Variants in CRPPA observed in about 807,000 individuals in gnomAD.
CRPPA encodes the protein D-ribitol-5-phosphate cytidylyltransferase.
A neutral mutation model predicts 52.0 loss-of-function variants in CRPPA; 43 were observed. The observed-to-expected ratio is 0.83, with a 90% confidence interval of 0.65 to 1.07. The LOEUF is 1.07. CRPPA is among the 50% of genes least tolerant of loss of function. The pLI is 0.00. For missense variants in CRPPA, 629 were observed against 551.7 expected, an observed-to-expected ratio of 1.14 and a Z score of -1.40; for synonymous variants, 250 against 203.5, an observed-to-expected ratio of 1.23 and a Z score of -1.94.
chr7:16,224,118 G>A (rs1483285509), intron 8 of CRPPA, among the ~76,000 whole-genome samples: 3 of 151,994 alleles, frequency 2.0e-5, no homozygotes, highest in African/African-American at 7.2e-5. Context: ...TTAGCCTCAT[G>A]GCTTTGTGGG....
At chr7:16,254,037 G>C (rs576646097) in intron 8 of CRPPA, among the ~76,000 whole-genome samples, 2 of 152,156 alleles carry the variant, frequency 1.3e-5, no homozygotes, top group Non-Finnish European at 2.9e-5. Flanking sequence ...ACCACAATGA[G>C]ATACCATCTC....
chr7:16,302,970 C>G (rs1052179487), intron 4 of CRPPA, among the ~76,000 whole-genome samples: 8 of 151,888 alleles, frequency 5.3e-5, no homozygotes, highest in Non-Finnish European at 1.2e-4. Flanking sequence ...AAGGACAACC[C>G]ATATTGCTGT....
intron 2 of CRPPA, among the ~76,000 whole-genome samples, chr7:16,393,724 A>G (rs1176059995): frequency 6.6e-6 from 1 of 152,194 alleles, no homozygotes; most frequent in East Asian, 1.9e-4. Flanking sequence ...TTTTAAGTAT[A>G]TTAAGATTAA....
intron 8 of CRPPA, among the ~76,000 whole-genome samples, chr7:16,251,362 C>G (rs1783444066): frequency 6.6e-6 from 1 of 152,162 alleles, no homozygotes; most frequent in Non-Finnish European, 1.5e-5. Flanking sequence ...GAACTCAGCT[C>G]TGATACAAAT....
At chr7:16,412,153 A>C (rs1442845992) in intron 1 of CRPPA, among the ~76,000 whole-genome samples, 1 of 152,152 alleles carries the variant, frequency 6.6e-6, no homozygotes, top group Admixed American at 6.5e-5. Context: ...ATGGCCTTAC[A>C]CTATTTCAAA....
At chr7:16,269,884 T>C (rs539390365) in intron 6 of CRPPA, 2 of 152,312 alleles carry the variant, frequency 1.3e-5, no homozygotes, top group East Asian at 1.9e-4. Context: ...GCAAACATCA[T>C]GTATCCTATA....
At chr7:16,146,586 C>G (rs1014273291) in intron 9 of CRPPA, among the ~76,000 whole-genome samples, 3 of 151,878 alleles carry the variant, frequency 2.0e-5, no homozygotes, top group Admixed American at 6.6e-5. Flanking sequence ...TTAATGGATA[C>G]AATATATAAA....
intron 8 of CRPPA, among the ~76,000 whole-genome samples, chr7:16,247,728 A>C (rs1783318178): frequency 6.6e-6 from 1 of 152,200 alleles, no homozygotes. Flanking sequence ...GAGTGAAATA[A>C]ACTGAAGTAT....
intron 2 of CRPPA, among the ~76,000 whole-genome samples, chr7:16,385,874 G>A (rs1425740500): frequency 6.6e-6 from 1 of 152,186 alleles, no homozygotes; most frequent in African/African-American, 2.4e-5. Context: ...CAGATGGGCA[G>A]GTGCAGTAGC....
At chr7:16,379,628 A>G (rs1241624773) in intron 2 of CRPPA, among the ~76,000 whole-genome samples, 1 of 152,142 alleles carries the variant, frequency 6.6e-6, no homozygotes, top group Non-Finnish European at 1.5e-5. Context: ...ATGAGCATGG[A>G]ATGTTCTTCC....
chr7:16,160,885 G>A lies in CRPPA; in HGVS notation c.1251+55181C>T, dbSNP rs1188017692. Among the ~76,000 whole-genome samples, 3 of 152,256 alleles carry A rather than the reference G, an allele frequency of 2.0e-5. No homozygotes were observed. The East Asian group carries it at 5.8e-4, about 29-fold the overall frequency. ...CTTGAAGAGGTCCTTCACATCTCTT[G>A]TGAGTTGTATTCCTAGGTATTTTAT... On this transcript the variant is annotated intron_variant, in intron 9 of 9. Transcript: ENST00000407010.
chr7:16,259,036 A>C, intron 6 of CRPPA, 24 bp from the exon 7 acceptor site: 1 of 1,510,290 alleles, frequency 6.6e-7, no homozygotes, highest in Non-Finnish European at 9.1e-7. Context: ...ACAGAAATGA[A>C]TTCACAAATT....
At chr7:16,348,401 A>G (rs1786067667) in intron 3 of CRPPA, among the ~76,000 whole-genome samples, 1 of 152,312 alleles carries the variant, frequency 6.6e-6, no homozygotes, top group East Asian at 1.9e-4. Flanking sequence ...GAGTAGAGAA[A>G]GGGCTCAAAA....
At chr7:16,406,882 T>G (rs1196451152) in intron 1 of CRPPA, among the ~76,000 whole-genome samples, 3 of 152,214 alleles carry the variant, frequency 2.0e-5, no homozygotes, top group Non-Finnish European at 4.4e-5. Context: ...ATAATTAATA[T>G]TGTAGCAATA....
intron 6 of CRPPA, among the ~76,000 whole-genome samples, chr7:16,271,234 A>G (rs1052350620): frequency 1.3e-5 from 2 of 152,112 alleles, no homozygotes; most frequent in African/African-American, 4.8e-5. Flanking sequence ...CCATTCTTTT[A>G]TTACAGGAAT....
At chr7:16,259,102 C>A in intron 6 of CRPPA, 90 bp from the exon 7 acceptor site, 1 of 804,268 alleles carries the variant, frequency 1.2e-6, no homozygotes. Context: ...TGCTAGAAGG[C>A]CCATAAAGCC....
chr7:16,113,127 A>T (rs1355766273), intron 9 of CRPPA, among the ~76,000 whole-genome samples: 1 of 152,088 alleles, frequency 6.6e-6, no homozygotes, highest in Non-Finnish European at 1.5e-5. Flanking sequence ...AATAACAAAC[A>T]GAAATGAGAC....
intron 2 of CRPPA, among the ~76,000 whole-genome samples, chr7:16,399,978 G>C (rs1787760446): frequency 6.6e-6 from 1 of 152,132 alleles, no homozygotes; most frequent in African/African-American, 2.4e-5. Flanking sequence ...TGACACGATT[G>C]ACACGTGACT....
chr7:16,331,201 G>A lies in CRPPA; in HGVS notation c.685-22574C>T, dbSNP rs535088441. ...TTTTTTAGTAGAGAGGGGTTTCACCGTGTTAGCCAGGATGGTCTCGATCTC... is the reference window on the plus strand; with the variant it reads ...TTTTTTAGTAGAGAGGGGTTTCACCATGTTAGCCAGGATGGTCTCGATCTC... On this transcript the variant is annotated intron_variant, in intron 3 of 9. Coordinates refer to ENST00000407010, the MANE Select transcript of CRPPA (RefSeq NM_001101426.4). 7.2e-5 allele frequency among the ~76,000 whole-genome samples: 11 copies of A among 152,022 alleles called. No homozygotes were observed. The East Asian group carries it at 7.8e-4, about 11-fold the overall frequency.
Sources: allele counts gnomAD v4.1 joint callset (sites outside exome capture counted in the v4.1 genomes callset), GRCh38; gene constraint gnomAD v4.1.1; transcripts MANE v1.5; gene names NCBI Gene and HGNC (gene_info 2026-07-23, HGNC 2026-07-21).